The following ZNF423 variants were observed in gnomAD, a reference collection of about 807,000 sequenced individuals.
ZNF423 encodes the protein Ebf-associated zinc finger protein.
In ZNF423, 12 loss-of-function variants were observed where a neutral mutation model predicts 95.8. The ratio of observed to expected loss-of-function variants is 0.13; its 90% CI spans 0.08 to 0.20. The LOEUF (loss-of-function observed/expected upper bound fraction) is 0.20. Ranked by LOEUF, ZNF423 falls within the 10% of genes least tolerant of loss-of-function variation. ZNF423 has a pLI of 1.00. For synonymous variants in ZNF423, 749 were observed against 711.9 expected (o/e 1.05, Z -0.83); for missense variants, 1,316 against 1,737.1 (o/e 0.76, Z 4.31).
chr16:49,846,373 C>T (rs2035246526), intron 1 of ZNF423, among the ~76,000 whole-genome samples: 2 of 151,352 alleles, frequency 1.3e-5, no homozygotes, highest in Non-Finnish European at 2.9e-5. Flanking sequence ...AAAGTGTGTA[C>T]GTCCAGGCTG....
intron 5 of ZNF423, among the ~76,000 whole-genome samples, chr16:49,550,358 C>T (rs1386503506): frequency 1.3e-5 from 2 of 152,254 alleles, no homozygotes; most frequent in African/African-American, 4.8e-5. Context: ...CTGCTCCGCC[C>T]TACTGTTTCC....
At chr16:49,720,884 C>T (rs2143261395) in intron 3 of ZNF423, among the ~76,000 whole-genome samples, 1 of 152,362 alleles carries the variant, frequency 6.6e-6, no homozygotes, top group South Asian at 2.1e-4. Context: ...CTGACCCTTG[C>T]TAACATGTAT....
intron 1 of ZNF423, among the ~76,000 whole-genome samples, chr16:49,806,216 G>A (rs2034661053): frequency 6.6e-6 from 1 of 152,242 alleles, no homozygotes; most frequent in Non-Finnish European, 1.5e-5. Context: ...TGGAGCGGGG[G>A]GCACCCCAGC....
At chr16:49,618,814 T>C (rs1166616271) in intron 5 of ZNF423, among the ~76,000 whole-genome samples, 5 of 152,136 alleles carry the variant, frequency 3.3e-5, no homozygotes, top group Non-Finnish European at 1.5e-5. Context: ...CCTGAGACCT[T>C]TGAGTCTTCC....
At chr16:49,520,276 T>C (rs927181516) in intron 7 of ZNF423, among the ~76,000 whole-genome samples, 5 of 152,198 alleles carry the variant, frequency 3.3e-5, no homozygotes, top group African/African-American at 7.2e-5. Flanking sequence ...AATTATTCGG[T>C]TGTGAATTTG....
intron 3 of ZNF423, among the ~76,000 whole-genome samples, chr16:49,686,714 C>T (rs1187121649): frequency 3.0e-5 from 2 of 67,272 alleles, no homozygotes; most frequent in Admixed American, 3.4e-4. Context: ...CTCTTCTTCT[C>T]ATCTCTAAGA....
At chr16:49,767,033 C>A (rs1042001943) in intron 2 of ZNF423, among the ~76,000 whole-genome samples, 2 of 151,384 alleles carry the variant, frequency 1.3e-5, no homozygotes, top group African/African-American at 4.9e-5. Flanking sequence ...TGCAGTGGTG[C>A]AAACACAGCT....
chr16:49,598,094 CT>C (rs1971242025), intron 5 of ZNF423, among the ~76,000 whole-genome samples: 1 of 151,170 alleles, frequency 6.6e-6, no homozygotes, highest in Non-Finnish European at 1.5e-5. Flanking sequence ...TGGGTAGTAT[CT>C]GCTTCCTGGA....
At chr16:49,496,529 C>T (rs55669245) in intron 7 of ZNF423, among the ~76,000 whole-genome samples, 18,669 of 152,218 alleles carry the variant, frequency 0.12, 1,437 homozygotes, top group South Asian at 0.26. Context: ...CTTCCTGAGG[C>T]CTCACCAGAA....
intron 4 of ZNF423, among the ~76,000 whole-genome samples, chr16:49,629,716 A>T (rs1972434797): frequency 6.6e-6 from 1 of 152,220 alleles, no homozygotes; most frequent in Admixed American, 6.5e-5. Context: ...CCTTTGAGGC[A>T]GCACATGAAG....
At chr16:49,591,361 G>A (rs1437206774) in intron 5 of ZNF423, among the ~76,000 whole-genome samples, 1 of 152,116 alleles carries the variant, frequency 6.6e-6, no homozygotes, top group African/African-American at 2.4e-5. Flanking sequence ...TAACCCCACT[G>A]GAAACCAAGC....
intron 3 of ZNF423, among the ~76,000 whole-genome samples, chr16:49,657,185 C>G (rs955879829): frequency 2.6e-5 from 4 of 152,220 alleles, no homozygotes; most frequent in Non-Finnish European, 5.9e-5. Flanking sequence ...CTTCCACAGA[C>G]AAGCGGCACA....
intron 2 of ZNF423, among the ~76,000 whole-genome samples, chr16:49,787,457 A>G (rs1442240859): frequency 6.6e-6 from 1 of 152,132 alleles, no homozygotes; most frequent in Non-Finnish European, 1.5e-5. Context: ...AGCCACGGCC[A>G]TGGAGTCACA....
At chr16:49,854,583 A>G (rs1039828060) in intron 1 of ZNF423, 1 of 985,418 alleles carries the variant, frequency 1.0e-6, no homozygotes, top group South Asian at 4.7e-5. Context: ...AGCCGCTCTC[A>G]TCGTTCCCCC....
intron 4 of ZNF423, among the ~76,000 whole-genome samples, chr16:49,630,510 G>A (rs983049802): frequency 1.4e-4 from 21 of 152,266 alleles, no homozygotes; most frequent in African/African-American, 5.1e-4. Flanking sequence ...GGACCGCCCA[G>A]GCCTATAGGT....
At chr16:49,624,966 C>A (rs1312450142) in intron 5 of ZNF423, among the ~76,000 whole-genome samples, 1 of 152,232 alleles carries the variant, frequency 6.6e-6, no homozygotes, top group Non-Finnish European at 1.5e-5. Context: ...AAGCTTCTCA[C>A]TTATGAGAAG....
At chr16:49,609,952 C>A (rs755344199) in intron 5 of ZNF423, among the ~76,000 whole-genome samples, 7 of 152,180 alleles carry the variant, frequency 4.6e-5, no homozygotes, top group Non-Finnish European at 7.4e-5. Context: ...AAAATGACAC[C>A]TTATACACAG....
intron 1 of ZNF423, among the ~76,000 whole-genome samples, chr16:49,794,352 A>T (rs1263862472): frequency 6.6e-6 from 1 of 151,394 alleles, no homozygotes. Flanking sequence ...TACAGGTGTG[A>T]GCCACTGCAC....
chr16:49,838,199 G>T (rs2035141295), intron 1 of ZNF423, among the ~76,000 whole-genome samples: 1 of 152,236 alleles, frequency 6.6e-6, no homozygotes, highest in Non-Finnish European at 1.5e-5. Flanking sequence ...GCACCCCCGG[G>T]GCCAGGCCTC....
Sources: gnomAD v4.1 joint callset for allele counts (sites outside exome capture counted in the v4.1 genomes callset) on GRCh38, gnomAD v4.1.1 for gene constraint, MANE v1.5 for transcripts, NCBI Gene and HGNC (gene_info 2026-07-23, HGNC 2026-07-21) for gene names.